Variants in EDA observed in about 807,000 individuals in gnomAD.
The protein encoded by EDA is ectodysplasin A.
In EDA, 2 loss-of-function variants were observed where a neutral mutation model predicts 23.6. That is an observed-to-expected ratio of 0.08 (90% CI 0.03 to 0.27). EDA has a LOEUF of 0.27. Ranked by LOEUF, EDA falls within the 10% of genes least tolerant of loss-of-function variation. The pLI is 1.00. For missense variants in EDA, 229 were observed against 324.2 expected (o/e 0.71, Z 2.26); for synonymous variants, 131 against 132.0 (o/e 0.99, Z 0.05).
chrX:69,693,746 A>G (rs1318372175), intron 1 of EDA, among the ~76,000 whole-genome samples: 1 of 112,175 alleles, frequency 8.9e-6, no homozygotes, highest in East Asian at 2.8e-4. Flanking sequence ...GTCCAGTAAA[A>G]TAGTACTTCT....
intron 1 of EDA, among the ~76,000 whole-genome samples, chrX:69,928,818 T>A (rs2147673380): frequency 9.0e-6 from 1 of 111,710 alleles, no homozygotes; most frequent in African/African-American, 3.2e-5. Context: ...GTGGCATAGG[T>A]TAAAGTGTTA....
At chrX:70,017,965 C>T (rs2019975600) in intron 2 of EDA, among the ~76,000 whole-genome samples, 1 of 111,786 alleles carries the variant, frequency 8.9e-6, no homozygotes, top group African/African-American at 3.3e-5. Flanking sequence ...ATAGTCTCTG[C>T]CCAAAAGCTC....
intron 1 of EDA, among the ~76,000 whole-genome samples, chrX:69,631,498 C>T (rs1166776149): frequency 9.1e-6 from 1 of 110,090 alleles, no homozygotes; most frequent in East Asian, 2.8e-4. Flanking sequence ...AATTCAAGAC[C>T]TACATCAGTG....
At chrX:69,697,140 T>G (rs890407618) in intron 1 of EDA, among the ~76,000 whole-genome samples, 5 of 111,925 alleles carry the variant, frequency 4.5e-5, no homozygotes, top group Non-Finnish European at 9.4e-5. Flanking sequence ...GCAGACGGGC[T>G]GAGACCTAAA....
chrX:69,898,147 G>C (rs1392284435), intron 1 of EDA, among the ~76,000 whole-genome samples: 3 of 111,808 alleles, frequency 2.7e-5, no homozygotes, highest in Non-Finnish European at 5.6e-5. Flanking sequence ...TTGGTGGAGG[G>C]GGGTTGGCTA....
intron 1 of EDA, among the ~76,000 whole-genome samples, chrX:69,759,723 A>G (rs2014239313): frequency 9.0e-6 from 1 of 111,077 alleles, no homozygotes; most frequent in Non-Finnish European, 1.9e-5. Context: ...AAATGCTTCG[A>G]AACAAGTGCC....
intron 1 of EDA, among the ~76,000 whole-genome samples, chrX:69,748,691 G>A (rs2013703510): frequency 9.0e-6 from 1 of 111,584 alleles, no homozygotes; most frequent in Non-Finnish European, 1.9e-5. Flanking sequence ...TCTAATCTCT[G>A]CTTTACCACT....
chrX:69,779,870 G>T (rs2014890279), intron 1 of EDA, among the ~76,000 whole-genome samples: 1 of 111,047 alleles, frequency 9.0e-6, no homozygotes, highest in South Asian at 3.8e-4. Flanking sequence ...TGTCTCTAAT[G>T]TCATTGTGGT....
chrX:69,798,682 G>A (rs1050062608), intron 1 of EDA, among the ~76,000 whole-genome samples: 1 of 111,271 alleles, frequency 9.0e-6, no homozygotes, highest in African/African-American at 3.3e-5. Flanking sequence ...CAAGAGGGAA[G>A]TTTATGGCAG....
chrX:69,890,166 C>G (rs750218701), intron 1 of EDA, among the ~76,000 whole-genome samples: 1 of 110,949 alleles, frequency 9.0e-6, no homozygotes, highest in Admixed American at 9.7e-5. Context: ...ATTCAGCTAA[C>G]AAGGGAAGTG....
chrX:70,033,511 A>C lies in EDA; in HGVS notation c.907A>C (p.Ile303Leu). The C allele has an allele frequency of 8.3e-7, 1 of 1,211,099 alleles. No individual in the cohort carries two copies. Among genetic ancestry groups the C allele is most frequent in the Non-Finnish European group, 1.1e-6 (1 of 895,325 alleles). ...GGTACTGGTGGACGGCACCTACTTCATCTATAGTCAGGTAGAAGTGAGTAC... is the reference window on the plus strand; with the variant it reads ...GGTACTGGTGGACGGCACCTACTTCCTCTATAGTCAGGTAGAAGTGAGTAC... ...LEVLVDGTYFIYSQVEVYYIN... is the reference protein window; with the variant it reads ...LEVLVDGTYFLYSQVEVYYIN... The change falls in exon 7 of 8, where the codon ATC (isoleucine) becomes CTC (leucine). Residue 303 changes from isoleucine (I) to leucine (L), a missense_variant. Physicochemically the swap from Ile to Leu is conservative, Grantham distance 5 (BLOSUM62 2). Around this residue, in one of 2 missense-constraint regions of EDA, gnomAD observed 175 missense variants for 281.8 expected, o/e 0.62. Coordinates refer to ENST00000374552, the MANE Select transcript of EDA (RefSeq NM_001399.5).
intron 1 of EDA, among the ~76,000 whole-genome samples, chrX:69,863,741 A>ATG (rs1396017628): frequency 9.4e-6 from 1 of 106,789 alleles, no homozygotes; most frequent in Non-Finnish European, 1.9e-5. Context: ...ATGTGTATGT[A>ATG]TATGTGTGTG....
At chrX:69,633,961 C>A (rs1217399301) in intron 1 of EDA, among the ~76,000 whole-genome samples, 30 of 112,244 alleles carry the variant, frequency 2.7e-4, no homozygotes, top group Non-Finnish European at 1.5e-4. Context: ...AATTGTTGAA[C>A]CATATTACAT....
chrX:69,725,643 C>G, intron 1 of EDA, among the ~76,000 whole-genome samples: 1 of 112,272 alleles, frequency 8.9e-6, no homozygotes, highest in Middle Eastern at 4.6e-3. Context: ...GAGTTATTGA[C>G]ACATAGCATG....
rs569215920 is a variant in EDA at position 69,833,707 on chromosome X, G to A, written c.397-123320G>A. ...TTTGGTTGGTAGGCTATTAATTATTGCCTCAATTTCAGAGCCTGTTATTGG... is the reference window on the plus strand; with the variant it reads ...TTTGGTTGGTAGGCTATTAATTATTACCTCAATTTCAGAGCCTGTTATTGG... On this transcript the variant is annotated intron_variant, in intron 1 of 7. Coordinates refer to ENST00000374552, the MANE Select transcript of EDA (RefSeq NM_001399.5). Among the ~76,000 whole-genome samples, 86 of 110,924 alleles carry A rather than the reference G, an allele frequency of 7.8e-4. 1 individual carries two copies. Among genetic ancestry groups the A allele is most frequent in the African/African-American group, 2.7e-3 (81 of 30,524 alleles).
chrX:69,821,301 A>G (rs1422971130), intron 1 of EDA, among the ~76,000 whole-genome samples: 1 of 109,543 alleles, frequency 9.1e-6, no homozygotes, highest in Non-Finnish European at 1.9e-5. Flanking sequence ...TCTGGACTCA[A>G]TACCTGGGTT....
At chrX:69,631,278 G>A (rs769665444) in intron 1 of EDA, among the ~76,000 whole-genome samples, 34 of 108,658 alleles carry the variant, frequency 3.1e-4, no homozygotes, top group Middle Eastern at 4.7e-3. Flanking sequence ...CTACTTGGGA[G>A]GCTGAGGCAG....
At chrX:70,022,310 C>CTTATT (rs200615364) in intron 2 of EDA, among the ~76,000 whole-genome samples, 2,511 of 109,657 alleles carry the variant, frequency 0.023, 73 homozygotes, top group African/African-American at 0.07. Flanking sequence ...GTTGACATGT[C>CTTATT]TTATTTTATT....
At position 70,027,929 on chromosome X, in the gene EDA, C is replaced by T; in HGVS notation, c.599C>T (p.Pro200Leu). ...GGACCTCCAGGACCCCAGGGACCCC[C>T]AGGAATTCCAGGGATTCCTGGAATT... ...PPGPPGPQGP[P>L]GIPGIPGIPG... The change falls in exon 4 of 8, where the codon CCA becomes CTA. Residue 200 changes from proline (P) to leucine (L), a missense_variant. By Grantham distance (98) the Pro-to-Leu change is moderately conservative. Around this residue, in one of 2 missense-constraint regions of EDA, gnomAD observed 175 missense variants for 281.8 expected, o/e 0.62. Coordinates refer to ENST00000374552, the MANE Select transcript of EDA (RefSeq NM_001399.5). 8.5e-7 allele frequency: 1 copy of T among 1,180,976 alleles called. No homozygotes were observed. The highest frequency in any genetic ancestry group is 1.1e-6 in the Non-Finnish European group (1 of 879,302).
Sources: gnomAD v4.1 joint callset for allele counts (sites outside exome capture counted in the v4.1 genomes callset) on GRCh38, gnomAD v4.1.1 for gene constraint, gnomAD v4.1.1 regional missense constraint, MANE v1.5 for transcripts, NCBI Gene and HGNC (gene_info 2026-07-23, HGNC 2026-07-21) for gene names.